The following CCDC141 variants were observed in gnomAD, a reference collection of about 807,000 sequenced individuals.
The protein encoded by CCDC141 is coiled-coil domain containing 141, also known as coiled-coil domain-containing protein 141.
Under a neutral mutation model 181.0 loss-of-function variants are expected in CCDC141, and 168 were observed. The ratio of observed to expected loss-of-function variants is 0.93; its 90% CI spans 0.82 to 1.05. The LOEUF (loss-of-function observed/expected upper bound fraction) is 1.05. CCDC141 is among the 50% of genes least tolerant of loss of function. The pLI, the probability that CCDC141 is intolerant of heterozygous loss-of-function variation, is 0.00. For missense variants in CCDC141, 1,902 were observed against 1,788.5 expected, an observed-to-expected ratio of 1.06 and a Z score of -1.14; for synonymous variants, 666 against 642.3, an observed-to-expected ratio of 1.04 and a Z score of -0.56.
chr2:178,950,610 G>T (rs1303480171), intron 5 of CCDC141, among the ~76,000 whole-genome samples: 1 of 152,072 alleles, frequency 6.6e-6, no homozygotes, highest in Non-Finnish European at 1.5e-5. Context: ...TCTAGTTATT[G>T]GCCTGTTATT....
chr2:178,980,182 C>A (rs879933927), intron 2 of CCDC141, among the ~76,000 whole-genome samples: 11 of 152,102 alleles, frequency 7.2e-5, no homozygotes, highest in African/African-American at 2.2e-4. Flanking sequence ...AGGGACCATT[C>A]CTGTAGAGAA....
chr2:179,037,047 G>C (rs1046515402), intron 2 of CCDC141, among the ~76,000 whole-genome samples: 1 of 152,198 alleles, frequency 6.6e-6, no homozygotes, highest in East Asian at 1.9e-4. Flanking sequence ...GTGGATCTGA[G>C]GCACAGATAC....
intron 2 of CCDC141, among the ~76,000 whole-genome samples, chr2:178,985,686 C>T (rs1012069652): frequency 5.9e-5 from 9 of 152,182 alleles, no homozygotes; most frequent in Admixed American, 5.2e-4. Context: ...ATACTACAAA[C>T]ACCACTACGC....
chr2:178,828,757 G>A (rs1684163208), downstream of CCDC141, among the ~76,000 whole-genome samples: 1 of 152,188 alleles, frequency 6.6e-6, no homozygotes, highest in African/African-American at 2.4e-5. Context: ...CGAGGTGGCT[G>A]TCTGCCATCA....
At chr2:178,981,636 G>GTATATATATATGTATATATA (rs1691400540) in intron 2 of CCDC141, among the ~76,000 whole-genome samples, 1 of 62,404 alleles carries the variant, frequency 1.6e-5, no homozygotes, top group East Asian at 6.7e-4. Context: ...GTGTGTGTGT[G>GTATATATATATGTATATATA]TATATATATA....
At chr2:178,893,800 C>T (rs1687268243) in intron 8 of CCDC141, among the ~76,000 whole-genome samples, 1 of 73,066 alleles carries the variant, frequency 1.4e-5, no homozygotes, top group Non-Finnish European at 3.1e-5. Context: ...CTCTCTCTCT[C>T]ACACACACAC....
intron 6 of CCDC141, 115 bp from the exon 7 acceptor site, chr2:178,919,022 G>A: frequency 1.0e-6 from 1 of 960,896 alleles, no homozygotes; most frequent in Non-Finnish European, 1.5e-6. Flanking sequence ...ATATTAGGAA[G>A]TAGGGCTTTG....
chr2:178,880,152 T>G (rs893608384), intron 11 of CCDC141, among the ~76,000 whole-genome samples: 1 of 152,232 alleles, frequency 6.6e-6, no homozygotes, highest in Admixed American at 6.5e-5. Context: ...ACATAAACTT[T>G]AATTCATCCT....
intron 12 of CCDC141, chr2:178,874,365 C>A (rs1686262818): frequency 6.6e-6 from 1 of 152,026 alleles, no homozygotes; most frequent in Non-Finnish European, 1.5e-5. Context: ...TAAAAGAACA[C>A]CAAAGCACAG....
intron 4 of CCDC141, among the ~76,000 whole-genome samples, chr2:178,969,171 G>T (rs1410057354): frequency 6.8e-6 from 1 of 148,142 alleles, no homozygotes. Flanking sequence ...TCTACCAGAG[G>T]TACAAAGAGG....
At chr2:178,819,559 C>T in the CCDC141 span, among the ~76,000 whole-genome samples, 1 of 152,166 alleles carries the variant, frequency 6.6e-6, no homozygotes, top group South Asian at 2.1e-4. Flanking sequence ...CAAGCTTATG[C>T]TATCTTGTTT....
At chr2:178,849,768 T>C (rs749572209) in intron 21 of CCDC141, among the ~76,000 whole-genome samples, 1 of 152,210 alleles carries the variant, frequency 6.6e-6, no homozygotes, top group Non-Finnish European at 1.5e-5. Context: ...AGAGTCTTAA[T>C]GGGACACATT....
At chr2:178,890,714 C>T (rs1205531007) in intron 8 of CCDC141, among the ~76,000 whole-genome samples, 2 of 152,148 alleles carry the variant, frequency 1.3e-5, no homozygotes, top group Admixed American at 6.6e-5. Flanking sequence ...TCAACACTGA[C>T]ACTGAGCCCA....
intron 2 of CCDC141, among the ~76,000 whole-genome samples, chr2:179,043,592 A>G (rs984262665): frequency 6.6e-6 from 1 of 152,248 alleles, no homozygotes; most frequent in Non-Finnish European, 1.5e-5. Flanking sequence ...TTATCTTAAT[A>G]GACACACAAA....
intron 17 of CCDC141, among the ~76,000 whole-genome samples, chr2:178,861,057 C>T (rs1253070222): frequency 6.6e-6 from 1 of 152,170 alleles, no homozygotes; most frequent in Non-Finnish European, 1.5e-5. Context: ...TCCTCTTACA[C>T]ATACCATCCA....
chr2:178,847,573 G>A (rs1684992612), intron 21 of CCDC141, among the ~76,000 whole-genome samples: 1 of 152,176 alleles, frequency 6.6e-6, no homozygotes, highest in Non-Finnish European at 1.5e-5. Context: ...AAAGCATAGT[G>A]TTAAATATTG....
At chr2:178,846,302 T>C (rs1435542320) in intron 21 of CCDC141, among the ~76,000 whole-genome samples, 3 of 152,124 alleles carry the variant, frequency 2.0e-5, no homozygotes, top group Non-Finnish European at 2.9e-5. Flanking sequence ...GTTTTAGTCA[T>C]GGAGGTAGTG....
intron 22 of CCDC141, among the ~76,000 whole-genome samples, chr2:178,842,352 T>C (rs1015355846): frequency 3.9e-5 from 6 of 152,366 alleles, no homozygotes; most frequent in Admixed American, 1.3e-4. Flanking sequence ...ATTGTCTCTA[T>C]ATTCCTTGCC....
the CCDC141 span, among the ~76,000 whole-genome samples, chr2:178,819,781 G>T: frequency 6.6e-6 from 1 of 152,026 alleles, no homozygotes; most frequent in East Asian, 1.9e-4. Context: ...TTGTATCAAG[G>T]TTGAAAAATC....
Sources: gnomAD v4.1 joint callset for allele counts (sites outside exome capture counted in the v4.1 genomes callset) on GRCh38, gnomAD v4.1.1 for gene constraint, MANE v1.5 for transcripts, NCBI Gene and HGNC (gene_info 2026-07-23, HGNC 2026-07-21) for gene names.